MDN1: variants seen among roughly 807,000 people sequenced by gnomAD.
MDN1 encodes the protein midasin.
MDN1 carries 266 observed loss-of-function variants against 669.2 expected under a neutral mutation model. The ratio of observed to expected loss-of-function variants is 0.40; its 90% confidence interval spans 0.36 to 0.44. The LOEUF (loss-of-function observed/expected upper bound fraction) is 0.44, where lower values mean the gene tolerates loss of function less well. Among genes scored for constraint, MDN1 ranks in the 20% least tolerant of loss-of-function variants. The pLI is 1.00. For missense variants in MDN1, 5,940 were observed against 6,754.0 expected, an observed-to-expected ratio of 0.88 and a Z score of 4.22; for synonymous variants, 2,385 against 2,457.1, an observed-to-expected ratio of 0.97 and a Z score of 0.87.
intron 62 of MDN1, 85 bp from the exon 63 acceptor site, chr6:89,693,233 G>GGAAGAAA (rs1368905459): frequency 6.6e-6 from 6 of 911,168 alleles, no homozygotes; most frequent in Non-Finnish European, 8.3e-6. Context: ...GAAAACCGAA[G>GGAAGAAA]GAAGAAACAT....
At chr6:89,730,478 C>A (rs1273892982) in intron 35 of MDN1, among the ~76,000 whole-genome samples, 1 of 152,118 alleles carries the variant, frequency 6.6e-6, no homozygotes, top group Non-Finnish European at 1.5e-5. Flanking sequence ...TGGGAACCAA[C>A]TAATAAAAAA....
At chr6:89,745,693 T>C (rs1240597793) in intron 27 of MDN1, 67 bp from the exon 28 acceptor site, 4 of 1,480,074 alleles carry the variant, frequency 2.7e-6, no homozygotes, top group Non-Finnish European at 1.8e-6. Flanking sequence ...CCAAGGGATA[T>C]GGAGAATATG....
In MDN1 at chr6:89,680,627, G is replaced by C. The variant is rs145940827; in HGVS notation, c.12227C>G (p.Pro4076Arg). The change falls in exon 74 of 102, where the codon CCC becomes CGC. Residue 4076 changes from proline (P) to arginine (R), a missense_variant. Coordinates refer to ENST00000369393, the MANE Select transcript of MDN1 (RefSeq NM_014611.3). The stretch of plus-strand genomic sequence containing the variant: ...AAGGCCCTCCACAAGGCGAGGCAGG[G>C]GGCTCTCCTTCATGAACGTCAGGCA... The part of the protein sequence containing the change: ...KMCLTFMKES[P>R]LPRLVEGLDQ... 6.2e-7 allele frequency: 1 copy of C among 1,614,028 alleles called. No homozygotes were observed. Among genetic ancestry groups the C allele is most frequent in the Non-Finnish European group, 8.5e-7 (1 of 1,180,038 alleles).
intron 62 of MDN1, among the ~76,000 whole-genome samples, chr6:89,693,528 T>G (rs1223365256): frequency 6.6e-6 from 1 of 152,196 alleles, no homozygotes; most frequent in Non-Finnish European, 1.5e-5. Context: ...TACTACACTA[T>G]ACAGGCTGAG....
chr6:89,805,034 CAAAAAAA>C (rs34538984), intron 1 of MDN1, among the ~76,000 whole-genome samples: 26 of 58,522 alleles, frequency 4.4e-4, no homozygotes, highest in East Asian at 2.7e-3. Context: ...GACTCCGTCT[CAAAAAAA>C]AAAAAAAAAA....
chr6:89,797,148 G>A (rs1242083131), intron 2 of MDN1, among the ~76,000 whole-genome samples: 1 of 151,972 alleles, frequency 6.6e-6, no homozygotes, highest in South Asian at 2.1e-4. Context: ...AAGGGAGGTG[G>A]ATCACAAGGT....
Position 89,803,522 on chromosome 6 carries a change from C to T in MDN1, c.135G>A (p.Leu45=), listed in dbSNP as rs1283023847. ...VWTPQDRQCV[L]STLAQLLLDK... is the part of the protein sequence containing the mutation. ...CCAAAAGCAACTGTGCTAAGGTACT[C>T]AGGACACACTGGCGATCTTGAGGTG... is the stretch of plus-strand genomic sequence containing the variant. Residue 45 remains leucine (L), a synonymous_variant, in exon 2 of 102, where the codon CTG becomes CTA. Transcript: ENST00000369393. 6.2e-7 allele frequency: 1 copy of T among 1,613,794 alleles called. No homozygotes were observed. Among genetic ancestry groups the T allele is most frequent in the Admixed American group, 1.7e-5 (1 of 59,974 alleles).
At chr6:89,812,553 A>T (rs1768503273) in intron 1 of MDN1, among the ~76,000 whole-genome samples, 2 of 152,188 alleles carry the variant, frequency 1.3e-5, no homozygotes, top group Non-Finnish European at 1.5e-5. Context: ...TGTATGCTTA[A>T]CATATTGAGT....
chr6:89,662,046 C>T (rs1282224929), intron 87 of MDN1, 41 bp downstream of exon 87: 3 of 1,585,102 alleles, frequency 1.9e-6, no homozygotes, highest in African/African-American at 2.7e-5. Context: ...AGAGCTCTGG[C>T]CTTGAGTCAA....
chr6:89,768,625 T>G (rs1159589369), intron 15 of MDN1, among the ~76,000 whole-genome samples: 1 of 152,044 alleles, frequency 6.6e-6, no homozygotes, highest in Non-Finnish European at 1.5e-5. Flanking sequence ...TAGTCCCAGT[T>G]ACTCGGGAGG....
chr6:89,664,665 T>C (rs748039707), intron 84 of MDN1, 37 bp from the exon 85 acceptor site: 8 of 1,518,724 alleles, frequency 5.3e-6, no homozygotes, highest in Non-Finnish European at 7.2e-6. Flanking sequence ...TAAATGAAAC[T>C]TTACCAATGT....
At chr6:89,708,389 G>T in intron 51 of MDN1, 107 bp downstream of exon 51, 1 of 1,372,050 alleles carries the variant, frequency 7.3e-7, no homozygotes, top group Non-Finnish European at 1.0e-6. Flanking sequence ...CAACTTCTCA[G>T]GTTCACAAAA....
intron 80 of MDN1, 126 bp from the exon 81 acceptor site, chr6:89,672,828 A>C (rs1260452066): frequency 1.9e-6 from 2 of 1,060,310 alleles, no homozygotes; most frequent in African/African-American, 3.2e-5. Context: ...TGTGCCAGAT[A>C]CAAAGAAGAG....
intron 27 of MDN1, 152 bp downstream of exon 27, chr6:89,747,177 T>C: frequency 1.1e-6 from 1 of 869,756 alleles, no homozygotes; most frequent in East Asian, 2.7e-5. Flanking sequence ...ATAAGATCAC[T>C]TACAAAAGCT....
chr6:89,710,880 T>C (rs1396708715), intron 49 of MDN1, 86 bp from the exon 50 acceptor site: 1 of 750,346 alleles, frequency 1.3e-6, no homozygotes, highest in African/African-American at 1.9e-5. Flanking sequence ...GTTCTACAGC[T>C]GCATAGAATA....
Position 89,718,752 on chromosome 6 carries a change from A to G in MDN1, c.6321+15T>C. ...TATTATGCTTTGCCAGAAAATATGA[A>G]GGCAGACTGGTTACCTGCTCAAATC... On this transcript the variant is annotated intron_variant, in intron 42 of 101. Coordinates refer to ENST00000369393, the MANE Select transcript of MDN1 (RefSeq NM_014611.3). The G allele has an allele frequency of 6.2e-7, 1 of 1,612,256 alleles. No homozygotes were observed. Among genetic ancestry groups the G allele is most frequent in the Non-Finnish European group, 8.5e-7 (1 of 1,178,430 alleles).
intron 13 of MDN1, among the ~76,000 whole-genome samples, chr6:89,773,400 C>T (rs1371214231): frequency 1.3e-5 from 2 of 151,574 alleles, no homozygotes; most frequent in Admixed American, 1.3e-4. Flanking sequence ...ATTACCCAGG[C>T]GTGGTGGTGG....
chr6:89,668,536 T>C (rs1314985404), intron 83 of MDN1, among the ~76,000 whole-genome samples: 1 of 152,186 alleles, frequency 6.6e-6, no homozygotes, highest in African/African-American at 2.4e-5. Flanking sequence ...CTGTGAAATG[T>C]TGAAAAAAAC....
In MDN1 at chr6:89,661,595, A is replaced by G. The variant is rs1809770403; in HGVS notation, c.14566-17T>C. 3 of 1,593,502 alleles carry G rather than the reference A, an allele frequency of 1.9e-6. No homozygotes were observed. The highest frequency in any genetic ancestry group is 1.7e-6 in the Non-Finnish European group (2 of 1,174,116). ...ATAGTCCCTCTTTGGGACAATGGAG[A>G]CAACAGGGATAAAATAAAAATACAA... On this transcript the variant is annotated splice_polypyrimidine_tract_variant and intron_variant, in intron 87 of 101. Transcript: ENST00000369393.
Sources: gnomAD v4.1 joint callset for allele counts (sites outside exome capture counted in the v4.1 genomes callset) on GRCh38, gnomAD v4.1.1 for gene constraint, MANE v1.5 for transcripts, NCBI Gene and HGNC (gene_info 2026-07-23, HGNC 2026-07-21) for gene names.